Variants in ARHGEF28 observed in about 807,000 individuals in gnomAD.
ARHGEF28 encodes Rho guanine nucleotide exchange factor 28, also known as 190 kDa guanine nucleotide exchange factor.
In ARHGEF28, 152 loss-of-function variants were observed where a neutral mutation model predicts 206.6. The ratio of observed to expected loss-of-function variants is 0.74; its 90% confidence interval spans 0.64 to 0.84. The LOEUF (loss-of-function observed/expected upper bound fraction) is 0.84. Ranked by LOEUF, ARHGEF28 falls within the 40% of genes least tolerant of loss-of-function variation. The pLI is 0.00. For synonymous variants in ARHGEF28, 763 were observed against 776.4 expected, an observed-to-expected ratio of 0.98 and a Z score of 0.29; for missense variants, 2,028 against 2,073.2, an observed-to-expected ratio of 0.98 and a Z score of 0.42.
At chr5:73,663,312 G>A (rs1046232181) in intron 1 of ARHGEF28, among the ~76,000 whole-genome samples, 1 of 152,206 alleles carries the variant, frequency 6.6e-6, no homozygotes, top group Non-Finnish European at 1.5e-5. Context: ...GTGCAGGACT[G>A]TTCCTGTTAC....
chr5:73,691,138 C>G (rs923791180), intron 2 of ARHGEF28, among the ~76,000 whole-genome samples: 18 of 152,210 alleles, frequency 1.2e-4, no homozygotes, highest in African/African-American at 4.1e-4. Context: ...CCATGTTGCC[C>G]AGGCTGGTCT....
chr5:73,877,284 T>G (rs1241465013), intron 22 of ARHGEF28, among the ~76,000 whole-genome samples: 1 of 151,132 alleles, frequency 6.6e-6, no homozygotes, highest in Non-Finnish European at 1.5e-5. Flanking sequence ...TTATCATTTT[T>G]TATTGCGTCT....
intron 30 of ARHGEF28, chr5:73,900,150 G>A (rs1762177340): frequency 6.6e-6 from 1 of 152,108 alleles, no homozygotes. Flanking sequence ...AAACTTCTTT[G>A]TATTAGAAGA....
At chr5:73,668,502 A>G (rs899309411) in intron 1 of ARHGEF28, among the ~76,000 whole-genome samples, 4 of 152,182 alleles carry the variant, frequency 2.6e-5, no homozygotes, top group African/African-American at 9.7e-5. Context: ...CACTCATCCA[A>G]TAACCACATT....
intron 31 of ARHGEF28, chr5:73,903,726 GT>G: frequency 6.4e-6 from 1 of 157,136 alleles, no homozygotes; most frequent in Admixed American, 6.1e-5. Context: ...TCTGAGTCTG[GT>G]TTCTTTTCCC....
chr5:73,716,493 CAGT>C (rs1319354249), intron 2 of ARHGEF28, among the ~76,000 whole-genome samples: 1 of 152,156 alleles, frequency 6.6e-6, no homozygotes, highest in Non-Finnish European at 1.5e-5. Flanking sequence ...CTATTTAGGG[CAGT>C]AGTGTCCCAT....
chr5:73,787,847 G>A (rs1405093666), intron 7 of ARHGEF28, among the ~76,000 whole-genome samples: 3 of 151,988 alleles, frequency 2.0e-5, no homozygotes, highest in Non-Finnish European at 4.4e-5. Flanking sequence ...ACCATGATAT[G>A]GATAGGATAT....
intron 1 of ARHGEF28, among the ~76,000 whole-genome samples, chr5:73,672,564 TAGTA>T (rs1165848833): frequency 1.3e-5 from 2 of 152,268 alleles, no homozygotes; most frequent in Non-Finnish European, 2.9e-5. Flanking sequence ...GCTTTGCACA[TAGTA>T]AGTGACAGTA....
At chr5:73,706,239 C>A (rs78286817) in intron 2 of ARHGEF28, among the ~76,000 whole-genome samples, 1 of 152,062 alleles carries the variant, frequency 6.6e-6, no homozygotes, top group Non-Finnish European at 1.5e-5. Flanking sequence ...TAAAAATAAA[C>A]CAAGAGAGAC....
intron 4 of ARHGEF28, among the ~76,000 whole-genome samples, chr5:73,755,576 T>C (rs1166473815): frequency 6.6e-6 from 1 of 152,198 alleles, no homozygotes; most frequent in Non-Finnish European, 1.5e-5. Context: ...CAAAATGGAA[T>C]TCATGTTACC....
At chr5:73,704,487 C>T (rs1402746833) in intron 2 of ARHGEF28, among the ~76,000 whole-genome samples, 6 of 152,044 alleles carry the variant, frequency 3.9e-5, no homozygotes, top group East Asian at 3.9e-4. Context: ...TGCAGTGGAG[C>T]GACCTTGGCT....
chr5:73,840,857 C>G, intron 11 of ARHGEF28, 97 bp downstream of exon 11: 1 of 1,305,612 alleles, frequency 7.7e-7, no homozygotes, highest in Non-Finnish European at 1.0e-6. Context: ...TTGTCTCTAC[C>G]ACTTTTATTT....
At chr5:73,685,344 G>A (rs980677531) in intron 2 of ARHGEF28, among the ~76,000 whole-genome samples, 2 of 152,152 alleles carry the variant, frequency 1.3e-5, no homozygotes, top group East Asian at 1.9e-4. Flanking sequence ...TGCCCAAGGA[G>A]ATTTGTACTT....
At chr5:73,792,729 C>G (rs1229238196) in intron 7 of ARHGEF28, among the ~76,000 whole-genome samples, 1 of 148,928 alleles carries the variant, frequency 6.7e-6, no homozygotes, top group East Asian at 2.0e-4. Context: ...GTTTCAAAAC[C>G]AAACCAAATC....
intron 4 of ARHGEF28, among the ~76,000 whole-genome samples, chr5:73,754,908 T>A (rs1306601470): frequency 1.3e-5 from 2 of 151,296 alleles, no homozygotes; most frequent in African/African-American, 4.8e-5. Context: ...TATTTATTTA[T>A]TTTTTTAGAG....
intron 1 of ARHGEF28, among the ~76,000 whole-genome samples, chr5:73,650,855 G>T (rs1345614679): frequency 6.6e-6 from 1 of 151,834 alleles, no homozygotes; most frequent in African/African-American, 2.4e-5. Flanking sequence ...TTGTCATGTT[G>T]TCAGGCTGGT....
chr5:73,652,876 C>A (rs188820428), intron 1 of ARHGEF28, among the ~76,000 whole-genome samples: 2 of 152,204 alleles, frequency 1.3e-5, no homozygotes, highest in East Asian at 1.9e-4. Flanking sequence ...ATGGAGGAAC[C>A]CAAATCTCCT....
chr5:73,760,282 A>G lies in ARHGEF28; in HGVS notation c.475+7080A>G, dbSNP rs571892257. ...ATAAAGGACAGATTTATTACAAAAT[A>G]CAAGAAATACAAGTTTCCAGTGTTT... On this transcript the variant is annotated intron_variant, in intron 4 of 35. Transcript: ENST00000513042. Among the ~76,000 whole-genome samples, 3 of 150,834 alleles carry G rather than the reference A, an allele frequency of 2.0e-5. No individual in the cohort carries two copies. In the South Asian group the frequency reaches 6.3e-4, roughly 32 times the overall value.
At chr5:73,684,328 T>C (rs573358294) in intron 1 of ARHGEF28, among the ~76,000 whole-genome samples, 92 of 152,380 alleles carry the variant, frequency 6.0e-4, no homozygotes, top group African/African-American at 2.1e-3. Context: ...CATACAGTAT[T>C]TGTCCTTTTG....
Sources: gnomAD v4.1 joint callset for allele counts (sites outside exome capture counted in the v4.1 genomes callset) on GRCh38, gnomAD v4.1.1 for gene constraint, MANE v1.5 for transcripts, NCBI Gene and HGNC (gene_info 2026-07-23, HGNC 2026-07-21) for gene names.